NRG3: variants seen among roughly 807,000 people sequenced by gnomAD.
NRG3 encodes the protein pro-neuregulin-3, membrane-bound isoform.
A neutral mutation model predicts 66.9 loss-of-function variants in NRG3; 31 were observed. The observed-to-expected ratio is 0.46, with a 90% CI of 0.35 to 0.63. The LOEUF (loss-of-function observed/expected upper bound fraction) is 0.63, where lower values mean the gene tolerates loss of function less well. NRG3 is among the 20% of genes least tolerant of loss of function. The probability of loss-of-function intolerance (pLI) is 0.00; values close to 1 mark genes in which losing one functional copy is unlikely to be tolerated. For missense variants in NRG3, 910 were observed against 878.9 expected, an observed-to-expected ratio of 1.04 and a Z score of -0.45; for synonymous variants, 393 against 359.4, an observed-to-expected ratio of 1.09 and a Z score of -1.06.
At chr10:82,186,561 G>A (rs540216543) in intron 1 of NRG3, among the ~76,000 whole-genome samples, 2 of 152,178 alleles carry the variant, frequency 1.3e-5, no homozygotes, top group African/African-American at 4.8e-5. Context: ...CAGCTGGAAT[G>A]CAAACAAAGT....
At chr10:82,108,587 A>G (rs985158512) in intron 1 of NRG3, among the ~76,000 whole-genome samples, 4 of 152,232 alleles carry the variant, frequency 2.6e-5, no homozygotes, top group Non-Finnish European at 4.4e-5. Flanking sequence ...CACCATGCTC[A>G]GTATTGTGAG....
At chr10:82,853,829 A>G (rs778726408) in intron 3 of NRG3, among the ~76,000 whole-genome samples, 6 of 152,000 alleles carry the variant, frequency 3.9e-5, no homozygotes, top group Non-Finnish European at 4.4e-5. Flanking sequence ...GACTTCCCAT[A>G]TTTTACTGAA....
At chr10:82,676,029 G>T (rs905960017) in intron 2 of NRG3, among the ~76,000 whole-genome samples, 10 of 152,104 alleles carry the variant, frequency 6.6e-5, no homozygotes, top group Non-Finnish European at 8.8e-5. Context: ...AATCAGGGAG[G>T]TGTATTCTCA....
intron 2 of NRG3, among the ~76,000 whole-genome samples, chr10:82,529,321 G>A (rs1205046394): frequency 6.6e-6 from 1 of 152,188 alleles, no homozygotes; most frequent in Admixed American, 6.6e-5. Context: ...AAACCTGCCT[G>A]GTGCAGGAAG....
intron 2 of NRG3, among the ~76,000 whole-genome samples, chr10:82,666,636 A>G (rs1390768968): frequency 1.3e-5 from 2 of 152,152 alleles, no homozygotes; most frequent in Non-Finnish European, 2.9e-5. Flanking sequence ...AATAATTTCC[A>G]TTTTGACATT....
At chr10:82,212,801 A>G (rs1033455975) in intron 1 of NRG3, among the ~76,000 whole-genome samples, 2 of 152,242 alleles carry the variant, frequency 1.3e-5, no homozygotes, top group African/African-American at 4.8e-5. Flanking sequence ...TAAATTATAT[A>G]TGCATGGCAG....
chr10:81,943,000 C>G (rs972004041), intron 1 of NRG3, among the ~76,000 whole-genome samples: 4 of 152,132 alleles, frequency 2.6e-5, no homozygotes, highest in Non-Finnish European at 4.4e-5. Context: ...TGTTTTCTCC[C>G]TATAACCTCT....
intron 1 of NRG3, among the ~76,000 whole-genome samples, chr10:82,033,623 A>G (rs538052087): frequency 5.9e-5 from 9 of 152,308 alleles, no homozygotes; most frequent in Middle Eastern, 3.4e-3. Context: ...AGTTGCCTAC[A>G]GAATGAATGA....
chr10:82,784,535 G>A (rs2060260637), intron 3 of NRG3, among the ~76,000 whole-genome samples: 1 of 152,162 alleles, frequency 6.6e-6, no homozygotes, highest in Middle Eastern at 3.2e-3. Context: ...CCATCAAAAA[G>A]TGGGCAAAGG....
intron 1 of NRG3, among the ~76,000 whole-genome samples, chr10:82,183,537 T>A (rs1354028371): frequency 6.6e-6 from 1 of 152,098 alleles, no homozygotes; most frequent in Non-Finnish European, 1.5e-5. Context: ...GACCACATAC[T>A]GAGAACTGCT....
chr10:82,551,606 G>GT (rs773523337), intron 2 of NRG3, among the ~76,000 whole-genome samples: 64,600 of 146,700 alleles, frequency 0.44, 15,482 homozygotes, highest in African/African-American at 0.66. Flanking sequence ...TTAAAATACT[G>GT]TTTTTTTTTT....
At chr10:82,639,645 C>G (rs2050430512) in intron 2 of NRG3, among the ~76,000 whole-genome samples, 1 of 152,118 alleles carries the variant, frequency 6.6e-6, no homozygotes, top group African/African-American at 2.4e-5. Context: ...TAAAAACACT[C>G]CCATTAAAAA....
chr10:82,928,951 G>C (rs866358170), intron 4 of NRG3, among the ~76,000 whole-genome samples: 12 of 152,110 alleles, frequency 7.9e-5, no homozygotes, highest in Non-Finnish European at 1.8e-4. Context: ...GAATTGCATG[G>C]GAGTCCCACT....
chr10:81,913,084 G>GAA (rs35922207), intron 1 of NRG3, among the ~76,000 whole-genome samples: 1 of 151,846 alleles, frequency 6.6e-6, no homozygotes, highest in Non-Finnish European at 1.5e-5. Flanking sequence ...GACCATTGGG[G>GAA]AAAAAAAGTC....
chr10:81,922,101 C>A (rs1016806851), intron 1 of NRG3, among the ~76,000 whole-genome samples: 1 of 152,056 alleles, frequency 6.6e-6, no homozygotes, highest in Non-Finnish European at 1.5e-5. Context: ...GCTATTTAGA[C>A]ATTTTAAATT....
intron 2 of NRG3, among the ~76,000 whole-genome samples, chr10:82,438,652 C>T (rs992295200): frequency 5.3e-5 from 8 of 152,184 alleles, no homozygotes; most frequent in African/African-American, 1.7e-4. Flanking sequence ...GGATGCTAGG[C>T]CCTTGGTGGC....
At chr10:82,715,262 A>T (rs1436557990) in intron 2 of NRG3, among the ~76,000 whole-genome samples, 1 of 152,094 alleles carries the variant, frequency 6.6e-6, no homozygotes. Context: ...GCCAGCTGTG[A>T]TGGCACACGC....
At chr10:82,188,887 G>A (rs2073971105) in intron 1 of NRG3, among the ~76,000 whole-genome samples, 1 of 152,058 alleles carries the variant, frequency 6.6e-6, no homozygotes, top group Non-Finnish European at 1.5e-5. Flanking sequence ...GGTGACTATA[G>A]TCAATAATTA....
intron 3 of NRG3, among the ~76,000 whole-genome samples, chr10:82,833,159 A>C (rs534218298): frequency 6.6e-6 from 1 of 152,292 alleles, no homozygotes; most frequent in Non-Finnish European, 1.5e-5. Context: ...TAAGGGAATA[A>C]GGAAGAAAAT....
Sources: gnomAD v4.1 joint callset for allele counts (sites outside exome capture counted in the v4.1 genomes callset) on GRCh38, gnomAD v4.1.1 for gene constraint, MANE v1.5 for transcripts, NCBI Gene and HGNC (gene_info 2026-07-23, HGNC 2026-07-21) for gene names.